The following POLR1E variants were observed in gnomAD, a reference collection of about 807,000 sequenced individuals.
The protein encoded by POLR1E is DNA-directed RNA polymerase I subunit RPA49.
A neutral mutation model predicts 50.9 loss-of-function variants in POLR1E; 37 were observed. The observed-to-expected ratio is 0.73, with a 90% confidence interval of 0.56 to 0.96. The LOEUF is 0.96. Among genes scored for constraint, POLR1E ranks in the 40% least tolerant of loss-of-function variants. The probability of loss-of-function intolerance (pLI) is 0.00; values close to 1 mark genes in which losing one functional copy is unlikely to be tolerated. For missense variants in POLR1E, 426 were observed against 518.1 expected, an observed-to-expected ratio of 0.82 and a Z score of 1.73; for synonymous variants, 166 against 191.6, an observed-to-expected ratio of 0.87 and a Z score of 1.10.
intron 10 of POLR1E, among the ~76,000 whole-genome samples, chr9:37,501,195 T>A (rs919038157): frequency 2.0e-5 from 3 of 152,258 alleles, no homozygotes; most frequent in African/African-American, 7.2e-5. Flanking sequence ...TACTTTTGAA[T>A]AGCCCTTCCC....
intron 9 of POLR1E, among the ~76,000 whole-genome samples, chr9:37,498,660 GTGTCAGCT>G (rs1820826232): frequency 2.0e-5 from 3 of 152,352 alleles, no homozygotes; most frequent in Admixed American, 2.0e-4. Flanking sequence ...GGTTTGTGTT[GTGTCAGCT>G]TATTTCTAAC....
At chr9:37,496,619 A>ATTTTTTTTT (rs1229748702) in intron 8 of POLR1E, among the ~76,000 whole-genome samples, 1 of 51,240 alleles carries the variant, frequency 2.0e-5, no homozygotes. Flanking sequence ...TATTATTATT[A>ATTTTTTTTT]TTTCTTTTTT....
At chr9:37,490,853 A>G in intron 4 of POLR1E, 2 of 567,070 alleles carry the variant, frequency 3.5e-6, no homozygotes, top group Admixed American at 4.0e-5. Flanking sequence ...TCTAGAGAAC[A>G]TATATTGGGT....
chr9:37,487,785 C>G, intron 2 of POLR1E, 78 bp from the exon 3 acceptor site: 1 of 1,388,710 alleles, frequency 7.2e-7, no homozygotes. Flanking sequence ...AAAGCCTCAG[C>G]AAATGTAGAA....
At chr9:37,492,851 G>C (rs1359323856) in intron 5 of POLR1E, 136 bp downstream of exon 5, 1 of 769,686 alleles carries the variant, frequency 1.3e-6, no homozygotes, top group African/African-American at 1.7e-5. Context: ...TGTTTCTCTG[G>C]ACAATTAGTT....
At chr9:37,495,361 C>A in intron 7 of POLR1E, 85 bp downstream of exon 7, 1 of 1,097,126 alleles carries the variant, frequency 9.1e-7, no homozygotes, top group Non-Finnish European at 1.4e-6. Flanking sequence ...CTGAGGGTGT[C>A]TGTGTTCTGT....
intron 4 of POLR1E, 144 bp from the exon 5 acceptor site, chr9:37,492,511 CAG>C (rs2119005346): frequency 2.4e-6 from 2 of 839,298 alleles, no homozygotes; most frequent in Non-Finnish European, 3.8e-6. Flanking sequence ...TAAATATTCA[CAG>C]TATACACTCA....
At chr9:37,500,742 T>TG in intron 9 of POLR1E, 98 bp from the exon 10 acceptor site, 1 of 877,296 alleles carries the variant, frequency 1.1e-6, no homozygotes, top group Non-Finnish European at 1.9e-6. Context: ...TTCTGGTCAT[T>TG]GCAGTGGCCC....
intron 9 of POLR1E, among the ~76,000 whole-genome samples, chr9:37,499,764 G>A (rs1820846540): frequency 6.9e-6 from 1 of 144,862 alleles, no homozygotes; most frequent in Non-Finnish European, 1.5e-5. Flanking sequence ...CCTGACCTCA[G>A]GTGATCCACC....
chr9:37,493,177 A>G (rs1456710876), intron 5 of POLR1E, among the ~76,000 whole-genome samples: 1 of 152,160 alleles, frequency 6.6e-6, no homozygotes, highest in Non-Finnish European at 1.5e-5. Flanking sequence ...TTGTGAGGCT[A>G]CTTTTTGCTT....
At chr9:37,489,511 T>C (rs1294582569) in intron 4 of POLR1E, 111 bp downstream of exon 4, 2 of 712,434 alleles carry the variant, frequency 2.8e-6, no homozygotes, top group African/African-American at 3.7e-5. Flanking sequence ...TTTTAATTTA[T>C]TTATTCTGTT....
At chr9:37,488,376 C>G (rs56210148) in intron 3 of POLR1E, among the ~76,000 whole-genome samples, 1 of 151,748 alleles carries the variant, frequency 6.6e-6, no homozygotes, top group Non-Finnish European at 1.5e-5. Context: ...GGTAACTCTG[C>G]GCATCACTGA....
At chr9:37,493,845 A>G (rs777014597) in intron 6 of POLR1E, 142 bp downstream of exon 6, 123 of 855,976 alleles carry the variant, frequency 1.4e-4, no homozygotes, top group Non-Finnish European at 2.0e-4. Flanking sequence ...CTTCTCACGG[A>G]CAGGTTCTGG....
chr9:37,497,652 C>T (rs1222247371), intron 8 of POLR1E, among the ~76,000 whole-genome samples: 1 of 152,236 alleles, frequency 6.6e-6, no homozygotes, highest in Non-Finnish European at 1.5e-5. Flanking sequence ...GTATGGCCTC[C>T]AAAGCCTAAA....
intron 10 of POLR1E, among the ~76,000 whole-genome samples, chr9:37,501,264 A>G (rs1820883116): frequency 6.6e-6 from 1 of 152,174 alleles, no homozygotes; most frequent in Admixed American, 6.5e-5. Flanking sequence ...GGGCAGCCCA[A>G]CTCGGTGACT....
intron 1 of POLR1E, 122 bp downstream of exon 1, chr9:37,486,245 C>T: frequency 1.5e-6 from 2 of 1,321,252 alleles, no homozygotes; most frequent in African/African-American, 1.5e-5. Flanking sequence ...CCTCTAGTCT[C>T]CACCACTCCC....
At chr9:37,492,595 A>G in intron 4 of POLR1E, 62 bp from the exon 5 acceptor site, 3 of 1,418,938 alleles carry the variant, frequency 2.1e-6, no homozygotes, top group Non-Finnish European at 3.0e-6. Context: ...ATTAAACACT[A>G]TTACTATTTG....
rs547356580 is a variant in POLR1E, at chr9:37,486,008, T to G, written c.-40T>G. On this transcript the variant is annotated 5_prime_UTR_variant, in exon 1 of 12. Coordinates refer to ENST00000377798, the MANE Select transcript of POLR1E (RefSeq NM_022490.4). ...TGTTTAAAAGTGCGCTTGTGGCTGC[T>G]GCTGTCTTAACTCCTGTGCTTGGCG... 1 of 1,577,796 alleles carries G rather than the reference T, an allele frequency of 6.3e-7. No homozygotes were observed. Among genetic ancestry groups the G allele is most frequent in the South Asian group, 1.2e-5 (1 of 86,058 alleles).
intron 9 of POLR1E, among the ~76,000 whole-genome samples, chr9:37,500,095 T>C (rs10973384): frequency 0.21 from 32,546 of 151,480 alleles, 3,656 homozygotes; most frequent in East Asian, 0.26. Flanking sequence ...ATGATCTGCC[T>C]GCCTTGGTCT....
Sources: gnomAD v4.1 joint callset for allele counts (sites outside exome capture counted in the v4.1 genomes callset) on GRCh38, gnomAD v4.1.1 for gene constraint, MANE v1.5 for transcripts, NCBI Gene and HGNC (gene_info 2026-07-23, HGNC 2026-07-21) for gene names.